RUVBL1: variants seen among roughly 807,000 people sequenced by gnomAD.
RUVBL1 encodes the protein ruvB-like 1.
In RUVBL1, 4 loss-of-function variants were observed where a neutral mutation model predicts 52.4. The ratio of observed to expected loss-of-function variants is 0.08; its 90% CI spans 0.04 to 0.17. The LOEUF is 0.17. Among genes scored for constraint, RUVBL1 ranks in the 10% least tolerant of loss-of-function variants. The pLI is 1.00. For missense variants in RUVBL1, 298 were observed against 572.8 expected (o/e 0.52, Z 4.90); for synonymous variants, 217 against 214.4 (o/e 1.01, Z -0.10).
chr3:128,071,934 G>A (rs866676305), intron 9 of RUVBL1, among the ~76,000 whole-genome samples: 3 of 152,244 alleles, frequency 2.0e-5, no homozygotes, highest in African/African-American at 4.8e-5. Context: ...TGGCTGTCCC[G>A]TGAGAATGCA....
chr3:128,111,402 T>C (rs1467618301), intron 3 of RUVBL1, among the ~76,000 whole-genome samples: 1 of 152,036 alleles, frequency 6.6e-6, no homozygotes. Context: ...TCCCTCCCAT[T>C]CTTCCCCATC....
chr3:128,124,006 T>A, upstream of RUVBL1: 1 of 684,968 alleles, frequency 1.5e-6, no homozygotes, highest in Non-Finnish European at 1.8e-6. Flanking sequence ...GGGAGCACAG[T>A]GGGACCACGC....
At chr3:128,125,876 AG>A (rs1185350555), upstream of RUVBL1, among the ~76,000 whole-genome samples, 3 of 152,366 alleles carry the variant, frequency 2.0e-5, no homozygotes, top group South Asian at 2.1e-4. Context: ...ACCAACTAGT[AG>A]TCAAAGTGAG....
chr3:128,148,243 G>A (rs1009912098), intron 1 of RUVBL1, among the ~76,000 whole-genome samples: 4 of 152,150 alleles, frequency 2.6e-5, no homozygotes, highest in Admixed American at 2.6e-4. Flanking sequence ...TACTGTTGCA[G>A]TAATCCAGGT....
Position 128,081,542 on chromosome 3 carries a change from C to T in RUVBL1, c.1212-133G>A. The T allele has an allele frequency of 6.6e-6, 6 of 909,988 alleles. No individual in the cohort carries two copies. The highest frequency in any genetic ancestry group is 9.8e-6 in the Non-Finnish European group (6 of 611,560). The allele number at this position is 909,988 out of a possible 1,614,324, so 56.4% of individuals were successfully genotyped here. A position where few individuals can be genotyped will look rare whatever the true frequency, so the allele number is the denominator to read the frequency against. On this transcript the variant is annotated intron_variant, in intron 10 of 10. Coordinates refer to ENST00000322623, the MANE Select transcript of RUVBL1 (RefSeq NM_003707.3). This position sits in a 1 kb window ranked among gnomAD's most constrained non-coding sequence, Gnocchi z 4.8. ...GGGCTTGTGCCAGCTGCTACGAACA[C>T]AGAAAAGGGGAGACAAAGTTGTCAC...
At chr3:128,097,751 T>C (rs1334582678) in intron 7 of RUVBL1, among the ~76,000 whole-genome samples, 1 of 152,132 alleles carries the variant, frequency 6.6e-6, no homozygotes, top group Non-Finnish European at 1.5e-5. Context: ...TGTAAAAAGG[T>C]TGCACAGGTG....
chr3:128,140,658 T>C (rs558271298), intron 1 of RUVBL1, among the ~76,000 whole-genome samples: 60 of 152,276 alleles, frequency 3.9e-4, no homozygotes, highest in African/African-American at 1.4e-3. Flanking sequence ...CCGTCATGTG[T>C]CCCATAGCAA....
chr3:128,119,482 T>C, intron 1 of RUVBL1, 68 bp from the exon 2 acceptor site: 1 of 1,310,872 alleles, frequency 7.6e-7, no homozygotes, highest in Non-Finnish European at 1.1e-6. Flanking sequence ...AAAATCTCAG[T>C]CCCTGGCCTA....
At chr3:128,077,683 T>C (rs2107665186), downstream of RUVBL1, among the ~76,000 whole-genome samples, 1 of 152,364 alleles carries the variant, frequency 6.6e-6, no homozygotes, top group South Asian at 2.1e-4. Context: ...CCCTCTGCTC[T>C]TGGGCTGTGT....
At chr3:128,117,600 C>T (rs934352397) in intron 2 of RUVBL1, among the ~76,000 whole-genome samples, 4 of 151,650 alleles carry the variant, frequency 2.6e-5, no homozygotes, top group South Asian at 4.1e-4. Context: ...AAGAGATTAA[C>T]GCTGACAGTT....
intron 1 of RUVBL1, among the ~76,000 whole-genome samples, chr3:128,130,440 ACTAC>A (rs1209646035): frequency 6.6e-6 from 1 of 151,852 alleles, no homozygotes; most frequent in Non-Finnish European, 1.5e-5. Context: ...GAATGGCTTA[ACTAC>A]TGGTTTCTAC....
In RUVBL1 at chr3:128,123,687, T is replaced by C. The variant is rs1394068645; in HGVS notation, c.38A>G (p.Gln13Arg). 2 of 1,611,838 alleles carry C rather than the reference T, an allele frequency of 1.2e-6. No individual in the cohort carries two copies. Among genetic ancestry groups the C allele is most frequent in the African/African-American group, 1.3e-5 (1 of 74,920 alleles). Residue 13 changes from glutamine (Q) to arginine (R), a missense_variant, in exon 1 of 11, where the codon CAG (glutamine) becomes CGG (arginine). Physicochemically the swap from Gln to Arg is conservative, Grantham distance 43. Transcript: ENST00000322623. ...IEEVKSTTKT[Q>R]RIASHSHVKG... ...CACGTGGCTGTGGGAGGCGATGCGC[T>C]GCGTCTTCGTAGTGCTCTTCACCTC... is the stretch of plus-strand genomic sequence containing the variant.
intron 2 of RUVBL1, among the ~76,000 whole-genome samples, chr3:128,115,442 A>C (rs1207754662): frequency 6.6e-6 from 1 of 152,252 alleles, no homozygotes; most frequent in Admixed American, 6.5e-5. Context: ...TGAACCATGC[A>C]TTTGCATCTC....
intron 8 of RUVBL1, among the ~76,000 whole-genome samples, chr3:128,091,191 G>C (rs373080609): frequency 6.6e-5 from 10 of 152,220 alleles, no homozygotes; most frequent in African/African-American, 2.4e-4. Flanking sequence ...AACCATATTA[G>C]TGGGAGACGG....
chr3:128,142,453 A>C (rs1944039800), intron 1 of RUVBL1, among the ~76,000 whole-genome samples: 1 of 152,212 alleles, frequency 6.6e-6, no homozygotes, highest in African/African-American at 2.4e-5. Context: ...TTTAATCAAT[A>C]AATACGAACA....
intron 8 of RUVBL1, among the ~76,000 whole-genome samples, chr3:128,089,393 G>A (rs534510782): frequency 2.4e-4 from 36 of 152,216 alleles, no homozygotes; most frequent in Non-Finnish European, 4.6e-4. Context: ...ACAGCAGAAA[G>A]GCTACACTTC....
At chr3:128,090,701 G>C (rs1942812477) in intron 8 of RUVBL1, among the ~76,000 whole-genome samples, 1 of 152,156 alleles carries the variant, frequency 6.6e-6, no homozygotes, top group South Asian at 2.1e-4. Flanking sequence ...GGTGTGCCTG[G>C]AACCTTCACA....
chr3:128,067,432 T>C lies in RUVBL1; in HGVS notation c.940-2212A>G. The C allele has an allele frequency of 6.2e-7, 1 of 1,611,976 alleles. No individual in the cohort carries two copies. Among genetic ancestry groups the C allele is most frequent in the Non-Finnish European group, 8.5e-7 (1 of 1,179,402 alleles). ...TTCTTCTTCCCCAGGACACGTCTTC[T>C]GGGGGCCCAGCACGTGCTTATCCAG... On this transcript the variant is annotated intron_variant, in intron 9 of 9. Transcript: ENST00000464873. The surrounding 1 kb of genome is among the most constrained non-coding windows in gnomAD (Gnocchi z 4.1).
chr3:128,123,060 G>T (rs1206645228), intron 1 of RUVBL1, among the ~76,000 whole-genome samples: 1 of 152,048 alleles, frequency 6.6e-6, no homozygotes, highest in Admixed American at 6.5e-5. Context: ...GAACCAAAAT[G>T]AGCTTTTAAA....
Sources: allele counts gnomAD v4.1 joint callset (sites outside exome capture counted in the v4.1 genomes callset), GRCh38; gene constraint gnomAD v4.1.1; non-coding constraint Gnocchi (gnomAD v3.1); transcripts MANE v1.5; gene names NCBI Gene and HGNC (gene_info 2026-07-23, HGNC 2026-07-21).